The following GPAA1 variants were observed in gnomAD, a reference collection of about 807,000 sequenced individuals.
GPAA1 encodes glycosylphosphatidylinositol anchor attachment 1, also known as GPI-anchor transamidase component GPAA1.
Under a neutral mutation model 64.0 loss-of-function variants are expected in GPAA1, and 54 were observed. The ratio of observed to expected loss-of-function variants is 0.84; its 90% CI spans 0.68 to 1.06. The LOEUF is 1.06. GPAA1 is among the 50% of genes least tolerant of loss of function. The probability of loss-of-function intolerance (pLI) is 0.00; values close to 1 mark genes in which losing one functional copy is unlikely to be tolerated. For synonymous variants in GPAA1, 393 were observed against 377.3 expected, an observed-to-expected ratio of 1.04 and a Z score of -0.48; for missense variants, 780 against 822.3, an observed-to-expected ratio of 0.95 and a Z score of 0.63.
rs782673440 is a variant in GPAA1 at position 144,083,933 on chromosome 8, C to T, written c.515-6C>T. 11 of 1,613,384 alleles carry T rather than the reference C, an allele frequency of 6.8e-6. 1 individual carries two copies. In the East Asian group the frequency reaches 2.5e-4, roughly 36 times the overall value. ...AGACCCTGCTGATCCTGCTTCTGGC[C>T]TCCAGGGCAGATTTATTGGGCCAAA... On this transcript the variant is annotated splice_polypyrimidine_tract_variant and splice_region_variant and intron_variant, in intron 4 of 11. Coordinates refer to ENST00000355091, the MANE Select transcript of GPAA1 (RefSeq NM_003801.4).
Position 144,085,022 on chromosome 8 carries a change from TG to T in GPAA1, c.1165-17del. 1 of 1,594,072 alleles carries T rather than the reference TG, an allele frequency of 6.3e-7. No individual in the cohort carries two copies. The highest frequency in any genetic ancestry group is 8.6e-7 in the Non-Finnish European group (1 of 1,168,350). ...GGGCAGATCCCGTTACACCTCTTGT[TG>T]GGGTCCTTGATTGGGCTACGCTCTG... On this transcript the variant is annotated intron_variant, in intron 8 of 11. Transcript: ENST00000355091.
chr8:144,083,912 C>A, intron 4 of GPAA1, 27 bp from the exon 5 acceptor site: 1 of 1,612,642 alleles, frequency 6.2e-7, no homozygotes, highest in Admixed American at 1.7e-5. Context: ...TGCCCCAGAC[C>A]CTGCTGATCC....
At position 144,085,987 on chromosome 8, in the gene GPAA1, G is replaced by A. The variant is rs1554764328; in HGVS notation, c.1728G>A (p.Glu576=). Residue 576 remains glutamate (E), a synonymous_variant, in exon 12 of 12, where the codon GAG becomes GAA. Transcript: ENST00000355091. ...ELQEAPLSLA[E]GWQLFLAALA... is the part of the protein sequence containing the mutation. ...AGGAGGCGCCACTGTCACTGGCCGA[G>A]GGCTGGCAGCTCTTCCTGGCAGCGC... 1 of 1,608,608 alleles carries A rather than the reference G, an allele frequency of 6.2e-7. No individual in the cohort carries two copies. The highest frequency in any genetic ancestry group is 8.5e-7 in the Non-Finnish European group (1 of 1,179,944).
intron 9 of GPAA1, 58 bp from the exon 10 acceptor site, chr8:144,085,231 G>C (rs1554764174): frequency 6.6e-7 from 1 of 1,508,014 alleles, no homozygotes; most frequent in Non-Finnish European, 9.0e-7. Flanking sequence ...GGATGGTGGT[G>C]GTCTTTGGGG....
Position 144,086,044 on chromosome 8 carries a change from C to G in GPAA1, c.1785C>G (p.Tyr595Ter). ...AGGGTGTGCTGGAGCACCACACCTA[C>G]GGCGCCCTGCTCTTCCCACTGCTGT... ...LAQGVLEHHT[Y>*]GALLFPLLSL... Residue 595 changes from tyrosine to a stop codon, truncating the protein, a stop_gained, in exon 12 of 12, where the codon TAC (tyrosine) becomes TAG (stop). Transcript: ENST00000355091. LOFTEE classifies it high-confidence loss of function. 1 of 1,612,948 alleles carries G rather than the reference C, an allele frequency of 6.2e-7. No homozygotes were observed. The highest frequency in any genetic ancestry group is 1.7e-4 in the Middle Eastern group (1 of 5,964).
Position 144,083,484 on chromosome 8 carries a change from A to G in GPAA1, c.350A>G (p.Glu117Gly). ...SFSRKLPFPD[E>G]THERYMVSGT... ...TCCCGGAAACTGCCCTTCCCAGATG[A>G]GACCCACGAGCGCTATGTACTGGGG... The change falls in exon 3 of 12, where the codon GAG becomes GGG. Residue 117 changes from glutamate (E) to glycine (G), a missense_variant. Transcript: ENST00000355091. The G allele has an allele frequency of 6.2e-7, 1 of 1,612,608 alleles. No homozygotes were observed. The highest frequency in any genetic ancestry group is 8.5e-7 in the Non-Finnish European group (1 of 1,178,794).
rs1020852262 is a variant in GPAA1, at chr8:144,082,759, G to C, written c.29G>C (p.Arg10Pro). The C allele has an allele frequency of 2.0e-6, 3 of 1,464,596 alleles. No individual in the cohort carries two copies. Among genetic ancestry groups the C allele is most frequent in the South Asian group, 1.3e-5 (1 of 75,756 alleles). 90.7% of individuals were successfully genotyped at this position (1,464,596 alleles called of 1,614,324 possible). The stretch of plus-strand genomic sequence containing the variant: ...GGCCTCCTGTCGGACCCGGTTCGCC[G>C]GCGCGCGCTCGCCCGCCTAGTGCTG... MGLLSDPVR[R>P]RALARLVLRL... Residue 10 changes from arginine (R) to proline (P), a missense_variant, in exon 1 of 12, where the codon CGG (arginine) becomes CCG (proline). Physicochemically the swap from Arg to Pro is moderately radical, Grantham distance 103. Transcript: ENST00000355091.
rs1554763835 is a variant in GPAA1 at position 144,083,443 on chromosome 8, C to G, written c.309C>G (p.Val103=). The G allele has an allele frequency of 6.2e-7, 1 of 1,613,900 alleles. No homozygotes were observed. The highest frequency in any genetic ancestry group is 8.5e-7 in the Non-Finnish European group (1 of 1,180,012). ...CGATGCGGTCAGTAGGGCTGGAGGT[C>G]TACACGCAGAGTTTCTCCCGGAAAC... ...ERTMRSVGLE[V]YTQSFSRKLP... is the part of the protein sequence containing the mutation. The change falls in exon 3 of 12, where the codon GTC becomes GTG. Residue 103 remains valine (V), a synonymous_variant. Transcript: ENST00000355091.
In GPAA1 at chr8:144,084,405, C is replaced by A. The variant is rs782442583; in HGVS notation, c.814-8C>A. On this transcript the variant is annotated splice_polypyrimidine_tract_variant and splice_region_variant and intron_variant, in intron 6 of 11. Transcript: ENST00000355091. ...GGGGCTGTCTCATCCTGTCCTGCAC[C>A]TCTAAAGCTGCAGCCCGAGGACTGG... The A allele has an allele frequency of 1.9e-6, 3 of 1,611,428 alleles. No homozygotes were observed. In the South Asian group the frequency reaches 3.3e-5, roughly 18 times the overall value.
chr8:144,084,863 C>G lies in GPAA1; in HGVS notation c.1152C>G (p.Val384=). 6.2e-7 allele frequency: 1 copy of G among 1,613,580 alleles called. No individual in the cohort carries two copies. The highest frequency in any genetic ancestry group is 1.3e-5 in the African/African-American group (1 of 75,054). Residue 384 remains valine, a synonymous_variant, in exon 8 of 12, where the codon GTC becomes GTG. Coordinates refer to ENST00000355091, the MANE Select transcript of GPAA1 (RefSeq NM_003801.4). ...YMPAVGFLLL[V]LGLKALELWM... is the part of the protein sequence containing the mutation. ...CCGCTGTCGGCTTCTTGCTCCTGGTCCTTGGTCTCAAGATATCCTCTGCCC... is the reference window on the plus strand; with the variant it reads ...CCGCTGTCGGCTTCTTGCTCCTGGTGCTTGGTCTCAAGATATCCTCTGCCC...
rs951065745 is a variant in GPAA1 at position 144,084,793 on chromosome 8, T to G, written c.1082T>G (p.Leu361Trp). 1 of 1,613,812 alleles carries G rather than the reference T, an allele frequency of 6.2e-7. No homozygotes were observed. Among genetic ancestry groups the G allele is most frequent in the Non-Finnish European group, 8.5e-7 (1 of 1,179,974 alleles). Residue 361 changes from leucine to tryptophan, a missense_variant, in exon 8 of 12, where the codon TTG (leucine) becomes TGG (tryptophan). By Grantham distance (61) the Leu-to-Trp change is moderately conservative. Coordinates refer to ENST00000355091, the MANE Select transcript of GPAA1 (RefSeq NM_003801.4). ...ERLHQSFFLYLLPGLSRFVSI... is the reference protein window; with the variant it reads ...ERLHQSFFLYWLPGLSRFVSI... The stretch of plus-strand genomic sequence containing the variant: ...CTGCACCAGTCCTTCTTCCTCTACT[T>G]GCTCCCCGGCCTCTCCCGCTTCGTC...
chr8:144,084,508 C>T lies in GPAA1; in HGVS notation c.909C>T (p.His303=), dbSNP rs374962738. ...MVLRQASGRP[H]GSHGLFLRYR... ...TGCGGCAGGCCTCCGGCCGCCCCCACGGCTCCCATGGCCTCTTCCTGCGCT... is the reference window on the plus strand; with the variant it reads ...TGCGGCAGGCCTCCGGCCGCCCCCATGGCTCCCATGGCCTCTTCCTGCGCT... Residue 303 remains histidine, a synonymous_variant, in exon 7 of 12, where the codon CAC becomes CAT. Transcript: ENST00000355091. The T allele has an allele frequency of 9.4e-5, 152 of 1,613,558 alleles. 1 individual carries two copies. In the African/African-American group the frequency reaches 1.6e-3, roughly 17 times the overall value.
chr8:144,084,166 G>C lies in GPAA1; in HGVS notation c.649G>C (p.Gly217Arg), dbSNP rs1354412444. 1.9e-6 allele frequency: 3 copies of C among 1,613,458 alleles called. No homozygotes were observed. Among genetic ancestry groups the C allele is most frequent in the South Asian group, 1.1e-5 (1 of 91,072 alleles). The change falls in exon 6 of 12, where the codon GGG becomes CGG. Residue 217 changes from glycine to arginine, a missense_variant. By Grantham distance (125) the Gly-to-Arg change is moderately radical (BLOSUM62 -2). Transcript: ENST00000355091. Reference protein sequence around the residue: ...MQSSPLQGRAGAIQAAVALEL... With the variant: ...MQSSPLQGRARAIQAAVALEL... ...GTCGTCTCCCCTGCAGGGCCGAGCTGGGGCCATTCAGGCAGCCGTGGCCCT... is the reference window on the plus strand; with the variant it reads ...GTCGTCTCCCCTGCAGGGCCGAGCTCGGGCCATTCAGGCAGCCGTGGCCCT...
At chr8:144,083,359 T>G (rs782132517) in intron 2 of GPAA1, 30 bp from the exon 3 acceptor site, 29 of 1,609,638 alleles carry the variant, frequency 1.8e-5, no homozygotes, top group Non-Finnish European at 2.4e-5. Flanking sequence ...GCCGGGGAGC[T>G]CTGCTCAGAG....
intron 1 of GPAA1, 107 bp downstream of exon 1, chr8:144,082,911 C>T (rs1318836516): frequency 3.0e-6 from 3 of 1,003,992 alleles, no homozygotes; most frequent in Non-Finnish European, 1.4e-6. Flanking sequence ...CTGCTCGCGC[C>T]CCTCCGGCTG....
chr8:144,084,250 C>T lies in GPAA1; in HGVS notation c.733C>T (p.Gln245Ter). Reference protein sequence around the residue: ...LDVAVEGLNGQLPNLDLLNLF... With the variant: ...LDVAVEGLNG ...TGTGGCCGTGGAGGGGCTTAACGGGCAGCTGCCCAACCTTGACCTGCTCAA... is the reference window on the plus strand; with the variant it reads ...TGTGGCCGTGGAGGGGCTTAACGGGTAGCTGCCCAACCTTGACCTGCTCAA... The change falls in exon 6 of 12, where the codon CAG (glutamine) becomes TAG (stop). Residue 245 changes from glutamine (Q) to a stop codon, truncating the protein, a stop_gained. Transcript: ENST00000355091. LOFTEE classifies it high-confidence loss of function. 4 of 1,613,854 alleles carry T rather than the reference C, an allele frequency of 2.5e-6. No homozygotes were observed. The highest frequency in any genetic ancestry group is 2.5e-6 in the Non-Finnish European group (3 of 1,180,010).
At chr8:144,083,098 C>T (rs1587591394) in intron 1 of GPAA1, 26 bp from the exon 2 acceptor site, 1 of 1,597,386 alleles carries the variant, frequency 6.3e-7, no homozygotes, top group Admixed American at 1.7e-5. Flanking sequence ...GCTGACGCTC[C>T]GGTGCCCCTC....
Position 144,082,655 on chromosome 8 carries a change from A to G in GPAA1, c.-76A>G. ...GGGCGAGCGCGGGTCCCCGGGTCTGACAGGAGCAGCCTGTGGGCACCGCGG... is the reference window on the plus strand; with the variant it reads ...GGGCGAGCGCGGGTCCCCGGGTCTGGCAGGAGCAGCCTGTGGGCACCGCGG... On this transcript the variant is annotated 5_prime_UTR_variant, in exon 1 of 12. Transcript: ENST00000355091. 2.2e-6 allele frequency: 2 copies of G among 890,806 alleles called. No homozygotes were observed. The highest frequency in any genetic ancestry group is 3.0e-6 in the Non-Finnish European group (2 of 665,898). The allele number at this position is 890,806 out of a possible 1,614,324, so 55.2% of individuals were successfully genotyped here.
Position 144,085,117 on chromosome 8 carries a change from T to G in GPAA1, c.1239T>G (p.Ser413Arg), listed in dbSNP as rs370088989. ...LEEPGGAPGP[S>R]VPLPPSQGVG... Reference sequence around the variant, plus strand: ...AGCCCGGGGGTGCCCCTGGCCCCAGTGTACCCCTTCCCCCATCACAGGTGA... The same window carrying G: ...AGCCCGGGGGTGCCCCTGGCCCCAGGGTACCCCTTCCCCCATCACAGGTGA... The change falls in exon 9 of 12, where the codon AGT becomes AGG. Residue 413 changes from serine to arginine, a missense_variant. Transcript: ENST00000355091. The G allele has an allele frequency of 7.7e-5, 123 of 1,591,978 alleles. No individual in the cohort carries two copies. The African/African-American group carries it at 1.3e-3, about 17-fold the overall frequency.
Sources: gnomAD v4.1 joint callset for allele counts on GRCh38, gnomAD v4.1.1 for gene constraint, MANE v1.5 for transcripts, NCBI Gene and HGNC (gene_info 2026-07-23, HGNC 2026-07-21) for gene names.